The following MACF1 variants were observed in gnomAD, a reference collection of about 807,000 sequenced individuals.
The protein encoded by MACF1 is microtubule-actin cross-linking factor 1.
A neutral mutation model predicts 854.8 loss-of-function variants in MACF1; 193 were observed. The observed-to-expected ratio is 0.23, with a 90% CI of 0.20 to 0.25. MACF1 has a LOEUF of 0.25. Among genes scored for constraint, MACF1 ranks in the 10% least tolerant of loss-of-function variants. MACF1 has a pLI of 1.00. For synonymous variants in MACF1, 3,185 were observed against 3,226.7 expected (o/e 0.99, Z 0.44); for missense variants, 7,722 against 8,929.1 (o/e 0.86, Z 5.45).
intron 94 of MACF1, 27 bp downstream of exon 94, chr1:39,463,713 G>A (rs574727065): frequency 1.3e-6 from 2 of 1,598,498 alleles, no homozygotes; most frequent in Admixed American, 1.7e-5. Context: ...GCAGTCCTTT[G>A]TTGTGGTGGT....
At chr1:39,413,202 C>A in intron 58 of MACF1, 1 of 1,613,476 alleles carries the variant, frequency 6.2e-7, no homozygotes. Flanking sequence ...CCCCAGCTAC[C>A]ACAGTGCATG....
At chr1:39,399,219 GTC>G (rs1642381106) in intron 58 of MACF1, among the ~76,000 whole-genome samples, 1 of 152,008 alleles carries the variant, frequency 6.6e-6, no homozygotes, top group South Asian at 2.1e-4. Context: ...CTATTTCTGT[GTC>G]TCCAGTCTTG....
chr1:39,167,733 G>A (rs893888267), intron 2 of MACF1, among the ~76,000 whole-genome samples: 2 of 151,896 alleles, frequency 1.3e-5, no homozygotes, highest in African/African-American at 4.8e-5. Context: ...AATTAGCTGG[G>A]TGTGGTGACA....
At chr1:39,323,127 T>C (rs1646543692) in intron 33 of MACF1, 119 bp downstream of exon 33, 2 of 873,952 alleles carry the variant, frequency 2.3e-6, no homozygotes, top group Middle Eastern at 2.5e-4. Flanking sequence ...ATTACTTGAG[T>C]CTAGGAGTTT....
chr1:39,274,608 A>G (rs988113487), intron 6 of MACF1, among the ~76,000 whole-genome samples: 4 of 152,222 alleles, frequency 2.6e-5, no homozygotes, highest in Non-Finnish European at 5.9e-5. Context: ...TGTGGATTTC[A>G]GTATCTGCGG....
chr1:39,190,391 G>GT (rs1557508061), intron 2 of MACF1, among the ~76,000 whole-genome samples: 13 of 41,778 alleles, frequency 3.1e-4, no homozygotes, highest in Non-Finnish European at 6.4e-4. Context: ...GTGTGTGTGT[G>GT]TTTGTTTTTG....
rs1399067218 is a variant in MACF1, at chr1:39,105,451, A to T, written c.220+21013A>T. ...GAGCGGGCCGGGTGCGAGCGGACTGAGGAGCGGAGCGCGACTGCCGGGCCG... is the reference window on the plus strand; with the variant it reads ...GAGCGGGCCGGGTGCGAGCGGACTGTGGAGCGGAGCGCGACTGCCGGGCCG... On this transcript the variant is annotated intron_variant, in intron 2 of 93. Coordinates refer to the MACF1 transcript ENST00000361689. This position sits in a 1 kb window ranked among gnomAD's most constrained non-coding sequence, Gnocchi z 5.9. The T allele has an allele frequency of 2.0e-6, 2 of 1,003,154 alleles. No homozygotes were observed. Among genetic ancestry groups the T allele is most frequent in the Non-Finnish European group, 2.4e-6 (2 of 843,774 alleles). 62.1% of individuals were successfully genotyped at this position (1,003,154 alleles called of 1,614,324 possible).
intron 58 of MACF1, chr1:39,412,411 G>T: frequency 6.2e-7 from 1 of 1,614,036 alleles, no homozygotes; most frequent in Non-Finnish European, 8.5e-7. Flanking sequence ...GAAAGTTTGT[G>T]ATGAGGATGG....
At chr1:39,145,593 C>T (rs910760217) in intron 2 of MACF1, among the ~76,000 whole-genome samples, 1 of 152,156 alleles carries the variant, frequency 6.6e-6, no homozygotes, top group Non-Finnish European at 1.5e-5. Context: ...GCCACTATAG[C>T]CAAGGTTTGT....
chr1:39,383,055 A>T (rs907910698), intron 56 of MACF1, among the ~76,000 whole-genome samples: 1 of 152,206 alleles, frequency 6.6e-6, no homozygotes, highest in African/African-American at 2.4e-5. Context: ...CACGGGATGA[A>T]GGTTGCCATG....
At chr1:39,414,438 A>C (rs1643195039) in intron 58 of MACF1, 3 of 1,614,054 alleles carry the variant, frequency 1.9e-6, no homozygotes, top group Middle Eastern at 1.6e-4. Context: ...TACATGGGAA[A>C]GTGCCTCTGG....
chr1:39,268,944 A>AC (rs1291107681), intron 6 of MACF1: 21 of 1,286,136 alleles, frequency 1.6e-5, no homozygotes, highest in Middle Eastern at 2.1e-4. Flanking sequence ...GGTAGAGCAT[A>AC]CCCCCCCAGA....
intron 90 of MACF1, 87 bp downstream of exon 90, chr1:39,458,577 A>C: frequency 6.8e-7 from 1 of 1,473,382 alleles, no homozygotes; most frequent in Non-Finnish European, 9.1e-7. Context: ...AAAAAATTAT[A>C]TTCCATTTTC....
rs1211653076 is a variant in MACF1, at chr1:39,352,691, G to A, written c.11200-316G>A. ...CACCACCACACCCAGATAATTTTTT[G>A]TATTTTTAGTAGAGATGGGGTTTCA... On this transcript the variant is annotated intron_variant, in intron 43 of 100. Transcript: ENST00000564288. Among the ~76,000 whole-genome samples the A allele has an allele frequency of 3.3e-5, 5 of 151,612 alleles. No homozygotes were observed. In the East Asian group the frequency reaches 9.7e-4, roughly 29 times the overall value.
chr1:39,129,393 A>G (rs1642939400), intron 2 of MACF1, among the ~76,000 whole-genome samples: 1 of 152,218 alleles, frequency 6.6e-6, no homozygotes, highest in African/African-American at 2.4e-5. Flanking sequence ...TATTGCAGAG[A>G]GAAGCTTCTT....
chr1:39,242,026 T>G (rs1644930011), intron 2 of MACF1, among the ~76,000 whole-genome samples: 1 of 152,222 alleles, frequency 6.6e-6, no homozygotes, highest in African/African-American at 2.4e-5. Flanking sequence ...AGGGAAGCTG[T>G]TTATTTTTTC....
At chr1:39,221,381 T>A (rs1169080432) in intron 1 of MACF1, among the ~76,000 whole-genome samples, 4 of 152,222 alleles carry the variant, frequency 2.6e-5, no homozygotes, top group Non-Finnish European at 4.4e-5. Flanking sequence ...TGCTCTCTAT[T>A]TGCCACAGCT....
rs1282731111 is a variant in MACF1 at position 39,361,303 on chromosome 1, G to A, written c.12454-57G>A. 4.7e-5 allele frequency: 72 copies of A among 1,533,004 alleles called. No individual in the cohort carries two copies. The East Asian group carries it at 1.6e-3, about 34-fold the overall frequency. The allele number at this position is 1,533,004 out of a possible 1,614,324, so 95.0% of individuals were successfully genotyped here. A position where few individuals can be genotyped will look rare whatever the true frequency, so the allele number is the denominator to read the frequency against. On this transcript the variant is annotated intron_variant, in intron 48 of 100. Transcript: ENST00000564288. ...GATAGCATATAGTTATTAGTTTGTG[G>A]CTCAGATGTCCTGGAATAAGTGAAC... is the stretch of plus-strand genomic sequence containing the variant.
chr1:39,169,755 C>T lies in MACF1; in HGVS notation c.221-61427C>T, dbSNP rs527926693. Among the ~76,000 whole-genome samples, 4 of 148,886 alleles carry T rather than the reference C, an allele frequency of 2.7e-5. No homozygotes were observed. In the South Asian group the frequency reaches 8.5e-4, roughly 32 times the overall value. On this transcript the variant is annotated intron_variant, in intron 2 of 93. Coordinates refer to the MACF1 transcript ENST00000361689. ...CTCCCTCATTCATTCTCTCTCCTTG[C>T]CCTTTCTTTCTTTCTTTCTTTTTTT... is the stretch of plus-strand genomic sequence containing the variant.
Sources: gnomAD v4.1 joint callset for allele counts (sites outside exome capture counted in the v4.1 genomes callset) on GRCh38, gnomAD v4.1.1 for gene constraint, Gnocchi (gnomAD v3.1) non-coding constraint, MANE v1.5 for transcripts, NCBI Gene and HGNC (gene_info 2026-07-23, HGNC 2026-07-21) for gene names.